Variants in VPS13B observed in about 807,000 individuals in gnomAD.
The protein encoded by VPS13B is intermembrane lipid transfer protein VPS13B.
VPS13B carries 285 observed loss-of-function variants against 426.4 expected under a neutral mutation model. That is an observed-to-expected ratio of 0.67 (90% CI 0.61 to 0.74). The LOEUF (loss-of-function observed/expected upper bound fraction) is 0.74. Among genes scored for constraint, VPS13B ranks in the 30% least tolerant of loss-of-function variants. VPS13B has a pLI of 0.00. For missense variants in VPS13B, 4,537 were observed against 4,782.6 expected (o/e 0.95, Z 1.51); for synonymous variants, 1,676 against 1,676.4 (o/e 1.00, Z 0.01).
At chr8:99,277,977 G>T (rs924584060) in intron 19 of VPS13B, among the ~76,000 whole-genome samples, 1 of 152,184 alleles carries the variant, frequency 6.6e-6, no homozygotes, top group Non-Finnish European at 1.5e-5. Flanking sequence ...CTTTCTGGAG[G>T]CTTAAGGGAA....
chr8:99,153,861 G>A (rs1811208521), intron 14 of VPS13B, among the ~76,000 whole-genome samples: 1 of 151,320 alleles, frequency 6.6e-6, no homozygotes. Flanking sequence ...CATCTAGTAA[G>A]GCAGATATAC....
chr8:99,065,494 G>T (rs1183308594), intron 3 of VPS13B, among the ~76,000 whole-genome samples: 3 of 152,128 alleles, frequency 2.0e-5, no homozygotes, highest in African/African-American at 7.2e-5. Context: ...AATAAACTAG[G>T]TATTGATGGA....
intron 25 of VPS13B, among the ~76,000 whole-genome samples, chr8:99,482,620 A>C (rs923525308): frequency 2.9e-4 from 44 of 152,178 alleles, no homozygotes; most frequent in Non-Finnish European, 1.0e-4. Context: ...TGATTTTCTA[A>C]ACTAGTGACA....
chr8:99,146,977 G>C (rs1454356652), intron 13 of VPS13B, among the ~76,000 whole-genome samples: 3 of 152,112 alleles, frequency 2.0e-5, no homozygotes, highest in African/African-American at 7.2e-5. Flanking sequence ...CTTAGACCCA[G>C]ATTCCTTCTA....
At chr8:99,709,242 A>C in intron 36 of VPS13B, among the ~76,000 whole-genome samples, 1 of 152,220 alleles carries the variant, frequency 6.6e-6, no homozygotes, top group East Asian at 1.9e-4. Flanking sequence ...CTTTGCTAGC[A>C]ATGTCATCAT....
intron 34 of VPS13B, among the ~76,000 whole-genome samples, chr8:99,655,820 C>T (rs76991161): frequency 0.044 from 6,702 of 152,212 alleles, 155 homozygotes; most frequent in East Asian, 0.061. Context: ...TTGTATTTTA[C>T]ACAATTCAAG....
At chr8:99,060,202 A>G (rs1480941383) in intron 3 of VPS13B, among the ~76,000 whole-genome samples, 1 of 152,222 alleles carries the variant, frequency 6.6e-6, no homozygotes, top group African/African-American at 2.4e-5. Flanking sequence ...GAACACAAGA[A>G]ATCATGGTTT....
chr8:99,362,853 T>C (rs1281432859), intron 19 of VPS13B, among the ~76,000 whole-genome samples: 1 of 152,250 alleles, frequency 6.6e-6, no homozygotes, highest in Non-Finnish European at 1.5e-5. Context: ...TCTTGGATAG[T>C]ATGGTAGCTC....
Position 99,854,003 on chromosome 8 carries a change from G to A in VPS13B, c.10614G>A (p.Gly3538=), listed in dbSNP as rs753338038. 7.4e-6 allele frequency: 12 copies of A among 1,614,168 alleles called. No homozygotes were observed. The South Asian group carries it at 9.9e-5, about 13-fold the overall frequency. Residue 3538 remains glycine, a synonymous_variant, in exon 56 of 62, where the codon GGG becomes GGA. Transcript: ENST00000357162. ...CTGGTCACTCCACACACCTCTCCGG[G>A]GGTAAACAGGTGTTGCCCATGCAGG... The part of the protein sequence containing the change: ...RLAGHSTHLS[G]GKQVLPMQVT...
At chr8:99,301,218 A>C (rs1335388856) in intron 19 of VPS13B, among the ~76,000 whole-genome samples, 2 of 152,070 alleles carry the variant, frequency 1.3e-5, no homozygotes, top group Non-Finnish European at 2.9e-5. Context: ...TTGTTTCAAA[A>C]AAAAAATTTT....
chr8:99,488,728 C>T (rs892579321), intron 25 of VPS13B, among the ~76,000 whole-genome samples: 3 of 151,814 alleles, frequency 2.0e-5, no homozygotes, highest in African/African-American at 4.8e-5. Context: ...GTTAGTGGAA[C>T]CTCTGGAAGA....
At chr8:99,751,450 T>C (rs1810390347) in intron 39 of VPS13B, among the ~76,000 whole-genome samples, 1 of 152,174 alleles carries the variant, frequency 6.6e-6, no homozygotes. Flanking sequence ...AGAAAATGCT[T>C]ATATTTTTAA....
At chr8:99,783,227 ATC>A (rs1207791403) in intron 42 of VPS13B, among the ~76,000 whole-genome samples, 2 of 152,156 alleles carry the variant, frequency 1.3e-5, no homozygotes, top group African/African-American at 4.8e-5. Flanking sequence ...TCTGAGTTGT[ATC>A]TCTGTTTACT....
At chr8:99,696,988 G>A in intron 35 of VPS13B, 1 of 614,360 alleles carries the variant, frequency 1.6e-6, no homozygotes, top group South Asian at 1.7e-5. Context: ...CAGCCGGCGT[G>A]TGGGAAGTGA....
At chr8:99,162,261 A>G (rs1194022832) in intron 15 of VPS13B, among the ~76,000 whole-genome samples, 4 of 152,118 alleles carry the variant, frequency 2.6e-5, no homozygotes, top group Non-Finnish European at 4.4e-5. Context: ...GGAAGTTTTT[A>G]AAGTTTTAGT....
rs1400586373 is a variant in VPS13B, at chr8:99,461,169, T to TA, written c.3446-6242dup. Among the ~76,000 whole-genome samples, 23 of 152,016 alleles carry TA rather than the reference T, an allele frequency of 1.5e-4. 1 individual carries two copies. Among genetic ancestry groups the TA allele is most frequent in the African/African-American group, 4.8e-4 (20 of 41,404 alleles). ...TTCATGTATTACTAGTTTTTTTTTT[T>TA]AAATATTTAGCCTGGAAATGATTGC... On this transcript the variant is annotated intron_variant, in intron 23 of 61. Transcript: ENST00000357162.
rs1488777351 is a variant in VPS13B at position 99,395,401 on chromosome 8, C to G, written c.3082+3697C>G. Reference sequence around the variant, plus strand: ...AGCTACGATCTTAATGATTCCCATCCTTACACAGGGTGGAAGGCATTGAAG... The same window carrying G: ...AGCTACGATCTTAATGATTCCCATCGTTACACAGGGTGGAAGGCATTGAAG... On this transcript the variant is annotated intron_variant, in intron 21 of 61. Coordinates refer to ENST00000357162, the MANE Select transcript of VPS13B (RefSeq NM_152564.5). Among the ~76,000 whole-genome samples, 3 of 152,206 alleles carry G rather than the reference C, an allele frequency of 2.0e-5. No individual in the cohort carries two copies. In the East Asian group the frequency reaches 5.8e-4, roughly 29 times the overall value.
chr8:99,671,662 T>A (rs968169574), intron 35 of VPS13B, among the ~76,000 whole-genome samples: 4 of 152,140 alleles, frequency 2.6e-5, no homozygotes, highest in Non-Finnish European at 5.9e-5. Context: ...TTGTTTGTGT[T>A]TTTTGATTTT....
At chr8:99,453,415 TA>T (rs1818296458) in intron 23 of VPS13B, among the ~76,000 whole-genome samples, 1 of 152,254 alleles carries the variant, frequency 6.6e-6, no homozygotes, top group Non-Finnish European at 1.5e-5. Flanking sequence ...TGTTTTTAAA[TA>T]AATTTGTTGG....
Sources: allele counts gnomAD v4.1 joint callset (sites outside exome capture counted in the v4.1 genomes callset), GRCh38; gene constraint gnomAD v4.1.1; transcripts MANE v1.5; gene names NCBI Gene and HGNC (gene_info 2026-07-23, HGNC 2026-07-21).